Variants in BMP7 observed in about 807,000 individuals in gnomAD.
The protein encoded by BMP7 is osteogenic protein 1.
A neutral mutation model predicts 41.2 loss-of-function variants in BMP7; 12 were observed. That is an observed-to-expected ratio of 0.29 (90% confidence interval 0.19 to 0.47). The LOEUF (loss-of-function observed/expected upper bound fraction) is 0.47. Ranked by LOEUF, BMP7 falls within the 20% of genes least tolerant of loss-of-function variation. The probability of loss-of-function intolerance (pLI) is 0.99; values close to 1 mark genes in which losing one functional copy is unlikely to be tolerated. For missense variants in BMP7, 467 were observed against 606.0 expected (o/e 0.77, Z 2.41); for synonymous variants, 248 against 250.0 (o/e 0.99, Z 0.07).
intron 2 of BMP7, among the ~76,000 whole-genome samples, chr20:57,216,247 C>G (rs115890439): frequency 0.013 from 2,011 of 152,242 alleles, 42 homozygotes; most frequent in African/African-American, 0.046. Flanking sequence ...GGAAGCCCTC[C>G]CGGCTGCCCT....
chr20:57,204,190 A>G (rs1367013189), intron 2 of BMP7, among the ~76,000 whole-genome samples: 1 of 152,166 alleles, frequency 6.6e-6, no homozygotes, highest in Non-Finnish European at 1.5e-5. Context: ...GTTGGAATGT[A>G]ACCCACTAAG....
intron 3 of BMP7, among the ~76,000 whole-genome samples, chr20:57,195,826 G>A (rs939430330): frequency 6.6e-6 from 1 of 152,156 alleles, no homozygotes; most frequent in African/African-American, 2.4e-5. Context: ...AGACGCTCAG[G>A]GCTCTCTGCA....
At chr20:57,209,581 T>C (rs1283746494) in intron 2 of BMP7, among the ~76,000 whole-genome samples, 4 of 152,246 alleles carry the variant, frequency 2.6e-5, no homozygotes, top group Admixed American at 6.5e-5. Flanking sequence ...ACAGTGGTGT[T>C]GGCTGCACAA....
chr20:57,245,620 C>T (rs2066087036), intron 1 of BMP7, among the ~76,000 whole-genome samples: 1 of 150,258 alleles, frequency 6.7e-6, no homozygotes, highest in African/African-American at 2.5e-5. Context: ...CAAATCATTG[C>T]TCCTGTGATT....
At chr20:57,223,694 C>T (rs1985243958) in intron 2 of BMP7, among the ~76,000 whole-genome samples, 1 of 152,226 alleles carries the variant, frequency 6.6e-6, no homozygotes, top group Non-Finnish European at 1.5e-5. Context: ...TGAAACAAAG[C>T]TGAAGTGTCC....
intron 2 of BMP7, among the ~76,000 whole-genome samples, chr20:57,221,003 C>A (rs1985177260): frequency 6.6e-6 from 1 of 152,190 alleles, no homozygotes; most frequent in Non-Finnish European, 1.5e-5. Flanking sequence ...GAGCCCACAT[C>A]TTCAAAGGGA....
chr20:57,261,185 T>C lies in BMP7; in HGVS notation c.418+4520A>G, dbSNP rs2066152701. ...GGGGATCGCGCACCAGCTGTGTTTA[T>C]CTCGGCAAAGGCTTGAGAGCCTACT... On this transcript the variant is annotated intron_variant, in intron 1 of 6. Transcript: ENST00000395863. The surrounding 1 kb of genome is among the most constrained non-coding windows in gnomAD (Gnocchi z 4.1). Among the ~76,000 whole-genome samples the C allele has an allele frequency of 6.6e-6, 1 of 152,180 alleles. No homozygotes were observed. The highest frequency in any genetic ancestry group is 1.5e-5 in the Non-Finnish European group (1 of 68,030).
At chr20:57,191,517 G>A (rs1012677841) in intron 3 of BMP7, among the ~76,000 whole-genome samples, 5 of 152,018 alleles carry the variant, frequency 3.3e-5, no homozygotes, top group African/African-American at 1.2e-4. Flanking sequence ...GGCCAACATG[G>A]AGAAACCCCG....
intron 3 of BMP7, among the ~76,000 whole-genome samples, chr20:57,191,870 T>C (rs11086602): frequency 0.44 from 59,319 of 133,460 alleles, 14,319 homozygotes; most frequent in South Asian, 0.57. Flanking sequence ...ATACATATAC[T>C]ATATATTATA....
intron 3 of BMP7, among the ~76,000 whole-genome samples, chr20:57,188,358 A>C (rs915176039): frequency 4.6e-5 from 7 of 152,222 alleles, no homozygotes; most frequent in Non-Finnish European, 1.0e-4. Flanking sequence ...CAAAAGCCAC[A>C]CATTGAATGA....
At chr20:57,202,720 G>A (rs952554193) in intron 2 of BMP7, 97 bp from the exon 3 acceptor site, 6 of 573,232 alleles carry the variant, frequency 1.0e-5, no homozygotes, top group South Asian at 6.4e-5. Context: ...GGTGGGAGGG[G>A]AGGGAAAGAG....
At chr20:57,250,375 C>A (rs4811830) in intron 1 of BMP7, among the ~76,000 whole-genome samples, 53,003 of 145,338 alleles carry the variant, frequency 0.36, 9,637 homozygotes, top group Admixed American at 0.43. Context: ...TATACACACA[C>A]AAAAAATTAG....
rs544183748 is a variant in BMP7 at position 57,176,585 on chromosome 20, G to C, written c.959-1578C>G. ...AGGTCTTGGGGACTGCTCTAGCTCT[G>C]GAGTCAAACCCCAGCTCTCCTAGAT... On this transcript the variant is annotated intron_variant, in intron 4 of 6. Coordinates refer to ENST00000395863, the MANE Select transcript of BMP7 (RefSeq NM_001719.3). Among the ~76,000 whole-genome samples the C allele has an allele frequency of 2.9e-3, 441 of 152,174 alleles. 3 individuals carry two copies. The highest frequency in any genetic ancestry group is 0.01 in the African/African-American group (420 of 41,518).
chr20:57,210,104 A>AC (rs1400532573), intron 2 of BMP7, among the ~76,000 whole-genome samples: 2 of 152,060 alleles, frequency 1.3e-5, no homozygotes, highest in African/African-American at 4.8e-5. Flanking sequence ...AAACAGCAAG[A>AC]CCCCAAAAGT....
At chr20:57,246,863 C>T (rs1283650434) in intron 1 of BMP7, among the ~76,000 whole-genome samples, 3 of 152,114 alleles carry the variant, frequency 2.0e-5, no homozygotes, top group African/African-American at 4.8e-5. Flanking sequence ...GTGGCACGTG[C>T]CTGTACTCCC....
chr20:57,205,481 C>T (rs1424875642), intron 2 of BMP7, among the ~76,000 whole-genome samples: 2 of 152,160 alleles, frequency 1.3e-5, no homozygotes, highest in African/African-American at 4.8e-5. Context: ...GTCAATGAAC[C>T]ATTAGCGATT....
rs546933475 is a variant in BMP7, at chr20:57,213,279, C to T, written c.612-10656G>A. Among the ~76,000 whole-genome samples, 3 of 152,310 alleles carry T rather than the reference C, an allele frequency of 2.0e-5. No homozygotes were observed. Among genetic ancestry groups the T allele is most frequent in the African/African-American group, 7.2e-5 (3 of 41,576 alleles). ...ACAGTCAGAAGGCGAGTCAGTGGCC[C>T]TTATGTTCTAGCCCTCAGTTTCTCC... is the stretch of plus-strand genomic sequence containing the variant. On this transcript the variant is annotated intron_variant, in intron 2 of 6. Transcript: ENST00000395863. This position sits in a 1 kb window ranked among gnomAD's most constrained non-coding sequence, Gnocchi z 4.4.
At chr20:57,232,562 A>T (rs571374206) in intron 1 of BMP7, among the ~76,000 whole-genome samples, 1 of 152,348 alleles carries the variant, frequency 6.6e-6, no homozygotes, top group South Asian at 2.1e-4. Flanking sequence ...CAACAGCTGC[A>T]GGTACAACTG....
intron 4 of BMP7, among the ~76,000 whole-genome samples, chr20:57,180,276 A>T (rs3787383): frequency 0.033 from 4,884 of 148,264 alleles, 129 homozygotes; most frequent in East Asian, 0.088. Context: ...AGAATGCCTG[A>T]CCCGCCCACC....
Sources: allele counts gnomAD v4.1 joint callset (sites outside exome capture counted in the v4.1 genomes callset), GRCh38; gene constraint gnomAD v4.1.1; non-coding constraint Gnocchi (gnomAD v3.1); transcripts MANE v1.5; gene names NCBI Gene and HGNC (gene_info 2026-07-23, HGNC 2026-07-21).